BCAR3: variants seen among roughly 807,000 people sequenced by gnomAD.
The protein encoded by BCAR3 is breast cancer anti-estrogen resistance protein 3.
BCAR3 carries 37 observed loss-of-function variants against 80.1 expected under a neutral mutation model. The ratio of observed to expected loss-of-function variants is 0.46; its 90% CI spans 0.36 to 0.61. The LOEUF (loss-of-function observed/expected upper bound fraction) is 0.61, where lower values mean the gene tolerates loss of function less well. Ranked by LOEUF, BCAR3 falls within the 20% of genes least tolerant of loss-of-function variation. The probability of loss-of-function intolerance (pLI) is 0.00; values close to 1 mark genes in which losing one functional copy is unlikely to be tolerated. For missense variants in BCAR3, 978 were observed against 1,068.2 expected (o/e 0.92, Z 1.18); for synonymous variants, 389 against 418.9 (o/e 0.93, Z 0.87).
chr1:93,613,949 G>A lies in BCAR3; in HGVS notation c.358-21556C>T, dbSNP rs558729742. ...TAGGCATCTTTCGGTCTTCAGTCCCGGGGACCACACACTTTCTTTAGGGTT... is the reference window on the plus strand; with the variant it reads ...TAGGCATCTTTCGGTCTTCAGTCCCAGGGACCACACACTTTCTTTAGGGTT... On this transcript the variant is annotated intron_variant, in intron 3 of 11. Transcript: ENST00000260502. 21 of 1,549,808 alleles carry A rather than the reference G, an allele frequency of 1.4e-5. No homozygotes were observed. In the East Asian group the frequency reaches 2.4e-4, roughly 18 times the overall value.
intron 2 of BCAR3, among the ~76,000 whole-genome samples, chr1:93,761,137 C>A (rs1571105448): frequency 6.6e-6 from 1 of 152,138 alleles, no homozygotes; most frequent in South Asian, 2.1e-4. Flanking sequence ...GGAGTAGAAT[C>A]CTGCTGGGAC....
chr1:93,749,551 T>C (rs949964402), intron 2 of BCAR3, among the ~76,000 whole-genome samples: 1 of 143,952 alleles, frequency 6.9e-6, no homozygotes, highest in Non-Finnish European at 1.5e-5. Flanking sequence ...ATCGCACCAC[T>C]GCACACCAGC....
chr1:93,711,403 T>G (rs900974418), intron 2 of BCAR3, among the ~76,000 whole-genome samples: 1 of 152,240 alleles, frequency 6.6e-6, no homozygotes, highest in African/African-American at 2.4e-5. Context: ...CTGTCATTAT[T>G]CAGCCAGCTA....
intron 3 of BCAR3, 22 bp downstream of exon 3, chr1:93,642,282 A>G (rs1676005376): frequency 8.1e-6 from 13 of 1,611,676 alleles, no homozygotes; most frequent in Non-Finnish European, 1.0e-5. Flanking sequence ...TCACGGCTAC[A>G]TGTTTAATTC....
At chr1:93,739,055 C>T (rs1446072872) in intron 2 of BCAR3, among the ~76,000 whole-genome samples, 2 of 152,176 alleles carry the variant, frequency 1.3e-5, no homozygotes. Context: ...CCTTGACTTG[C>T]TGGACAATAC....
chr1:93,767,356 C>G (rs1652190488), intron 2 of BCAR3, among the ~76,000 whole-genome samples: 1 of 151,948 alleles, frequency 6.6e-6, no homozygotes, highest in South Asian at 2.1e-4. Context: ...AATTCCATCT[C>G]TACAAAAAAA....
At chr1:93,658,097 C>A (rs565689198) in intron 2 of BCAR3, among the ~76,000 whole-genome samples, 2 of 152,004 alleles carry the variant, frequency 1.3e-5, no homozygotes, top group African/African-American at 4.8e-5. Context: ...CCCACCACCA[C>A]GCCCAGCTAA....
intron 2 of BCAR3, among the ~76,000 whole-genome samples, chr1:93,767,039 G>A (rs1652177358): frequency 6.6e-6 from 1 of 150,932 alleles, no homozygotes. Flanking sequence ...TAAAAAAAAA[G>A]CCTCCTTTTC....
At chr1:93,706,514 T>A (rs1431299746) in intron 2 of BCAR3, among the ~76,000 whole-genome samples, 1 of 152,120 alleles carries the variant, frequency 6.6e-6, no homozygotes, top group Non-Finnish European at 1.5e-5. Flanking sequence ...GGACTGTGAT[T>A]ACAGCACAGA....
At chr1:93,821,622 T>A (rs1381701752) in intron 2 of BCAR3, among the ~76,000 whole-genome samples, 1 of 152,156 alleles carries the variant, frequency 6.6e-6, no homozygotes, top group East Asian at 1.9e-4. Context: ...TCTATTTGTA[T>A]TTGTGTCTAC....
chr1:93,578,948 AGGC>A (rs2101823126), intron 7 of BCAR3, among the ~76,000 whole-genome samples: 1 of 152,300 alleles, frequency 6.6e-6, no homozygotes, highest in Non-Finnish European at 1.5e-5. Context: ...ACAGAAGGGG[AGGC>A]TGTTCAGCTG....
At chr1:93,591,027 G>A (rs1249734499) in intron 4 of BCAR3, among the ~76,000 whole-genome samples, 1 of 151,988 alleles carries the variant, frequency 6.6e-6, no homozygotes, top group African/African-American at 2.4e-5. Context: ...TTATCCCCAG[G>A]AGAATTATGA....
chr1:93,691,754 T>C (rs952336333), intron 3 of BCAR3, among the ~76,000 whole-genome samples: 23 of 152,086 alleles, frequency 1.5e-4, no homozygotes, highest in African/African-American at 5.6e-4. Context: ...TAAGGGTCAT[T>C]ATCCCATTTT....
At chr1:93,712,293 T>C (rs1373850638) in intron 2 of BCAR3, among the ~76,000 whole-genome samples, 2 of 152,192 alleles carry the variant, frequency 1.3e-5, no homozygotes, top group African/African-American at 4.8e-5. Context: ...CTTCCCTTGG[T>C]CTCAAGAATG....
chr1:93,571,872 A>G (rs775511862), intron 8 of BCAR3, 31 bp from the exon 9 acceptor site: 79 of 1,599,300 alleles, frequency 4.9e-5, no homozygotes, highest in Non-Finnish European at 6.3e-5. Flanking sequence ...GGTCAGGTTC[A>G]GGGCCAATGG....
intron 2 of BCAR3, among the ~76,000 whole-genome samples, chr1:93,736,298 C>T (rs1489380362): frequency 6.6e-6 from 1 of 152,204 alleles, no homozygotes; most frequent in Non-Finnish European, 1.5e-5. Context: ...AGCTATTCTC[C>T]TGCCTCAGCC....
chr1:93,650,151 G>A (rs1023138601), intron 2 of BCAR3, among the ~76,000 whole-genome samples: 35 of 152,114 alleles, frequency 2.3e-4, no homozygotes, highest in East Asian at 3.9e-4. Context: ...TTGGGAGGCC[G>A]AGGCAGGCAG....
Position 93,582,446 on chromosome 1 carries a change from G to A in BCAR3, c.1541C>T (p.Ser514Phe), listed in dbSNP as rs138525821. The A allele has an allele frequency of 4.3e-6, 7 of 1,614,086 alleles. No individual in the cohort carries two copies. Among genetic ancestry groups the A allele is most frequent in the Non-Finnish European group, 5.9e-6 (7 of 1,180,036 alleles). The change falls in exon 7 of 12, where the codon TCC becomes TTC. Residue 514 changes from serine (S) to phenylalanine (F), a missense_variant. By Grantham distance (155) the Ser-to-Phe change is radical. Coordinates refer to ENST00000260502, the MANE Select transcript of BCAR3 (RefSeq NM_003567.4). ...FVTPLLETVS[S>F]FRPNEFESKF... is the part of the protein sequence containing the mutation. ...TGACTCAAACTCGTTGGGCCTGAAGGAGGAGACAGTCTCCAGGAGGGGCGT... is the reference window on the plus strand; with the variant it reads ...TGACTCAAACTCGTTGGGCCTGAAGAAGGAGACAGTCTCCAGGAGGGGCGT...
chr1:93,642,171 C>T (rs915253838), intron 3 of BCAR3, 133 bp downstream of exon 3: 2 of 1,013,578 alleles, frequency 2.0e-6, no homozygotes, highest in African/African-American at 1.6e-5. Flanking sequence ...GTCAAATTTC[C>T]TCCCTGTTGT....
Sources: allele counts gnomAD v4.1 joint callset (sites outside exome capture counted in the v4.1 genomes callset), GRCh38; gene constraint gnomAD v4.1.1; transcripts MANE v1.5; gene names NCBI Gene and HGNC (gene_info 2026-07-23, HGNC 2026-07-21).